The following NIP7 variants were observed in gnomAD, a reference collection of about 807,000 sequenced individuals.
NIP7 encodes the protein 60S ribosome subunit biogenesis protein NIP7 homolog.
Under a neutral mutation model 20.1 loss-of-function variants are expected in NIP7, and 12 were observed. The observed-to-expected ratio is 0.60, with a 90% CI of 0.38 to 0.97. NIP7 has a LOEUF of 0.97. NIP7 is among the 50% of genes least tolerant of loss of function. NIP7 has a pLI of 0.00. For synonymous variants in NIP7, 103 were observed against 87.2 expected (o/e 1.18, Z -1.01); for missense variants, 226 against 226.6 (o/e 1.00, Z 0.02).
At position 69,340,338 on chromosome 16, in the gene NIP7, T is replaced by TG; in HGVS notation, c.282+10dup. 4 of 1,608,792 alleles carry TG rather than the reference T, an allele frequency of 2.5e-6. No homozygotes were observed. Among genetic ancestry groups the TG allele is most frequent in the East Asian group, 2.2e-5 (1 of 44,874 alleles). On this transcript the variant is annotated splice_region_variant and intron_variant, in intron 3 of 4. Coordinates refer to ENST00000254940, the MANE Select transcript of NIP7 (RefSeq NM_016101.5). ...ACCTTGCACCTTATGCCAAGGTTTG[T>TG]GGGGCGGTTTCCAATTCTGCCACGG...
chr16:69,340,603 G>T, intron 3 of NIP7: 1 of 471,610 alleles, frequency 2.1e-6, no homozygotes, highest in Non-Finnish European at 3.8e-6. Context: ...CAGCAATGAA[G>T]ACACCGGGGT....
At chr16:69,340,366 G>A in intron 3 of NIP7, 34 bp downstream of exon 3, 1 of 1,602,186 alleles carries the variant, frequency 6.2e-7, no homozygotes, top group Non-Finnish European at 8.5e-7. Context: ...TGCCACGGGC[G>A]ATGAAGTCAA....
In NIP7 at chr16:69,341,693, C is replaced by G. The variant is rs200117312; in HGVS notation, c.*41C>G. The G allele has an allele frequency of 1.2e-6, 2 of 1,609,638 alleles. No homozygotes were observed. The highest frequency in any genetic ancestry group is 1.7e-5 in the Admixed American group (1 of 59,656). ...AGGACAGACGGCTGTATGGAAAGGCCGAGCTTTGTTTCCTGTGTTTGTGTG... is the reference window on the plus strand; with the variant it reads ...AGGACAGACGGCTGTATGGAAAGGCGGAGCTTTGTTTCCTGTGTTTGTGTG... On this transcript the variant is annotated 3_prime_UTR_variant, in exon 5 of 5. Transcript: ENST00000254940.
chr16:69,339,806 C>A lies in NIP7; in HGVS notation c.-24C>A, dbSNP rs773105406. 6.2e-7 allele frequency: 1 copy of A among 1,611,944 alleles called. No individual in the cohort carries two copies. Among genetic ancestry groups the A allele is most frequent in the South Asian group, 1.1e-5 (1 of 90,968 alleles). On this transcript the variant is annotated 5_prime_UTR_variant, in exon 1 of 5. Coordinates refer to ENST00000254940, the MANE Select transcript of NIP7 (RefSeq NM_016101.5). ...TTCCAGTTACCAAGGCACGAGGATC[C>A]GGTGTTCCAACCCAGGGGGAAAAAT... is the stretch of plus-strand genomic sequence containing the variant.
chr16:69,340,075 C>G lies in NIP7; in HGVS notation c.126C>G (p.Asp42Glu). Residue 42 changes from aspartate (D) to glutamate (E), a missense_variant, in exon 2 of 5, where the codon GAC becomes GAG. By Grantham distance (45) the Asp-to-Glu change is conservative. Transcript: ENST00000254940. ...CCTACTGTTTCCGTCTGCACAACGA[C>G]CGGGTGTACTATGTGAGGTGAGGCG... ...DGTYCFRLHN[D>E]RVYYVSEKIM... 6.2e-7 allele frequency: 1 copy of G among 1,614,126 alleles called. No homozygotes were observed. The highest frequency in any genetic ancestry group is 2.2e-5 in the East Asian group (1 of 44,880).
In NIP7 at chr16:69,343,090, C is replaced by T. The variant is rs558439706; in HGVS notation, c.*1438C>T. The T allele has an allele frequency of 4.5e-6, 1 of 221,806 alleles. No homozygotes were observed. The highest frequency in any genetic ancestry group is 8.8e-6 in the Non-Finnish European group (1 of 113,804). 13.7% of individuals were successfully genotyped at this position (221,806 alleles called of 1,614,324 possible). A position where few individuals can be genotyped will look rare whatever the true frequency, so the allele number is the denominator to read the frequency against. On this transcript the variant is annotated 3_prime_UTR_variant, in exon 5 of 5. Transcript: ENST00000254940. ...CTTTAAGAATAAAACATTACCAACT[C>T]CTGCTTTTATATGTAAGCAAACTTG...
Position 69,342,166 on chromosome 16 carries a change from A to C in NIP7, c.*514A>C, listed in dbSNP as rs2012575992. On this transcript the variant is annotated 3_prime_UTR_variant, in exon 5 of 5. Coordinates refer to ENST00000254940, the MANE Select transcript of NIP7 (RefSeq NM_016101.5). Reference sequence around the variant, plus strand: ...GGTTCAAACCCCACTTCTGCCACCTACCAGCTATATGGCCTTGAATGAGTC... The same window carrying C: ...GGTTCAAACCCCACTTCTGCCACCTCCCAGCTATATGGCCTTGAATGAGTC... 6.6e-6 allele frequency: 1 copy of C among 152,448 alleles called. No individual in the cohort carries two copies. Among genetic ancestry groups the C allele is most frequent in the Admixed American group, 6.5e-5 (1 of 15,278 alleles). 9.4% of individuals were successfully genotyped at this position (152,448 alleles called of 1,614,324 possible).
Position 69,341,560 on chromosome 16 carries a change from C to G in NIP7, c.451C>G (p.Gln151Glu). 6.2e-7 allele frequency: 1 copy of G among 1,614,132 alleles called. No individual in the cohort carries two copies. The highest frequency in any genetic ancestry group is 8.5e-7 in the Non-Finnish European group (1 of 1,180,020). ...LGFGVAAKSTQDCRKVDPMAI... is the reference protein window; with the variant it reads ...LGFGVAAKSTEDCRKVDPMAI... Reference sequence around the variant, plus strand: ...TTTTGGGGTGGCAGCCAAATCTACACAAGACTGCAGAAAAGTAGACCCCAT... The same window carrying G: ...TTTTGGGGTGGCAGCCAAATCTACAGAAGACTGCAGAAAAGTAGACCCCAT... The change falls in exon 5 of 5, where the codon CAA becomes GAA. Residue 151 changes from glutamine (Q) to glutamate (E), a missense_variant. Transcript: ENST00000254940.
In NIP7 at chr16:69,341,672, C is replaced by G. The variant is rs2012559979; in HGVS notation, c.*20C>G. 1 of 1,613,424 alleles carries G rather than the reference C, an allele frequency of 6.2e-7. No individual in the cohort carries two copies. The highest frequency in any genetic ancestry group is 1.1e-5 in the South Asian group (1 of 90,958). On this transcript the variant is annotated 3_prime_UTR_variant, in exon 5 of 5. Coordinates refer to ENST00000254940, the MANE Select transcript of NIP7 (RefSeq NM_016101.5). ...ACTTAAAACGAAGCCATTCCAAGGACAGACGGCTGTATGGAAAGGCCGAGC... is the reference window on the plus strand; with the variant it reads ...ACTTAAAACGAAGCCATTCCAAGGAGAGACGGCTGTATGGAAAGGCCGAGC...
In NIP7 at chr16:69,339,857, C is replaced by T. The variant is rs145696197; in HGVS notation, c.28C>T (p.Arg10Cys). Residue 10 changes from arginine (R) to cysteine (C), a missense_variant, in exon 1 of 5, where the codon CGT (arginine) becomes TGT (cysteine). By Grantham distance (180) the Arg-to-Cys change is radical. Transcript: ENST00000254940. The stretch of plus-strand genomic sequence containing the variant: ...GCGGCCTTTGACTGAAGAGGAGACC[C>T]GTGTCATGTTTGAGAAGATAGCGAA... MRPLTEEET[R>C]VMFEKIAKYI... 13 of 1,613,622 alleles carry T rather than the reference C, an allele frequency of 8.1e-6. No homozygotes were observed. The highest frequency in any genetic ancestry group is 1.3e-5 in the African/African-American group (1 of 74,886).
chr16:69,341,105 A>G, intron 3 of NIP7, 75 bp from the exon 4 acceptor site: 3 of 1,249,800 alleles, frequency 2.4e-6, no homozygotes, highest in Non-Finnish European at 3.4e-6. Context: ...TTATTCACAG[A>G]TCCAGCAGCT....
In NIP7 at chr16:69,340,084, C is replaced by T. The variant is rs772405598; in HGVS notation, c.135C>T (p.Tyr45=). 1.9e-6 allele frequency: 3 copies of T among 1,614,020 alleles called. No individual in the cohort carries two copies. The highest frequency in any genetic ancestry group is 2.2e-5 in the East Asian group (1 of 44,874). ...TCCGTCTGCACAACGACCGGGTGTA[C>T]TATGTGAGGTGAGGCGGGGCCGGGC... ...YCFRLHNDRV[Y]YVSEKIMKLA... is the part of the protein sequence containing the mutation. Residue 45 remains tyrosine (Y), a synonymous_variant, in exon 2 of 5, where the codon TAC becomes TAT. Transcript: ENST00000254940.
In NIP7 at chr16:69,342,568, T is replaced by G. The variant is rs1471687312; in HGVS notation, c.*916T>G. 1 of 152,216 alleles carries G rather than the reference T, an allele frequency of 6.6e-6. No homozygotes were observed. The highest frequency in any genetic ancestry group is 1.5e-5 in the Non-Finnish European group (1 of 68,084). 9.4% of individuals were successfully genotyped at this position (152,216 alleles called of 1,614,324 possible). On this transcript the variant is annotated 3_prime_UTR_variant, in exon 5 of 5. Coordinates refer to ENST00000254940, the MANE Select transcript of NIP7 (RefSeq NM_016101.5). ...AAGATGGTGCCATTGCACTCCAGCC[T>G]GGGCGTGACAGAGTGAGACTCCATC...
At position 69,341,676 on chromosome 16, in the gene NIP7, C is replaced by CAG. The variant is rs1313164968; in HGVS notation, c.*24_*25insAG. Reference sequence around the variant, plus strand: ...AAAACGAAGCCATTCCAAGGACAGACGGCTGTATGGAAAGGCCGAGCTTTG... The same window carrying CAG: ...AAAACGAAGCCATTCCAAGGACAGACAGGGCTGTATGGAAAGGCCGAGCTTTG... On this transcript the variant is annotated 3_prime_UTR_variant, in exon 5 of 5. Transcript: ENST00000254940. 6.2e-7 allele frequency: 1 copy of CAG among 1,612,728 alleles called. No individual in the cohort carries two copies. The highest frequency in any genetic ancestry group is 2.2e-5 in the East Asian group (1 of 44,876).
rs750964906 is a variant in NIP7, at chr16:69,342,988, TAA to T, written c.*1338_*1339del. The T allele has an allele frequency of 6.7e-4, 103 of 154,686 alleles. 2 individuals carry two copies. The highest frequency in any genetic ancestry group is 6.0e-3 in the Admixed American group (94 of 15,558). 9.6% of individuals were successfully genotyped at this position (154,686 alleles called of 1,614,324 possible). A position where few individuals can be genotyped will look rare whatever the true frequency, so the allele number is the denominator to read the frequency against. ...TTAAATATTTTATAGACAAAAAATT[TAA>T]AGACTATCTGTATTGCAAAATTAAA... On this transcript the variant is annotated 3_prime_UTR_variant, in exon 5 of 5. Transcript: ENST00000254940.
Position 69,341,676 on chromosome 16 carries a change from C to CGGCT in NIP7, c.*26_*29dup. On this transcript the variant is annotated 3_prime_UTR_variant, in exon 5 of 5. Coordinates refer to ENST00000254940, the MANE Select transcript of NIP7 (RefSeq NM_016101.5). ...AAAACGAAGCCATTCCAAGGACAGA[C>CGGCT]GGCTGTATGGAAAGGCCGAGCTTTG... 2 of 1,612,728 alleles carry CGGCT rather than the reference C, an allele frequency of 1.2e-6. No homozygotes were observed. Among genetic ancestry groups the CGGCT allele is most frequent in the Non-Finnish European group, 1.7e-6 (2 of 1,179,126 alleles).
rs1239559037 is a variant in NIP7 at position 69,342,098 on chromosome 16, A to G, written c.*446A>G. 2 of 154,920 alleles carry G rather than the reference A, an allele frequency of 1.3e-5. No individual in the cohort carries two copies. Among genetic ancestry groups the G allele is most frequent in the East Asian group, 3.8e-4 (2 of 5,256 alleles). 9.6% of individuals were successfully genotyped at this position (154,920 alleles called of 1,614,324 possible). On this transcript the variant is annotated 3_prime_UTR_variant, in exon 5 of 5. Coordinates refer to ENST00000254940, the MANE Select transcript of NIP7 (RefSeq NM_016101.5). ...TTTGGCTAATAGGAGCAATTCAGCT[A>G]TTTTTCTATACAGTAATTGGTGTGT...
At position 69,342,738 on chromosome 16, in the gene NIP7, C is replaced by T. The variant is rs560751791; in HGVS notation, c.*1086C>T. 6.6e-6 allele frequency: 1 copy of T among 152,118 alleles called. No individual in the cohort carries two copies. Among genetic ancestry groups the T allele is most frequent in the South Asian group, 2.1e-4 (1 of 4,820 alleles). The allele number at this position is 152,118 out of a possible 1,614,324, so 9.4% of individuals were successfully genotyped here. The stretch of plus-strand genomic sequence containing the variant: ...GAGTATAATTTGATTTTATTACCTT[C>T]TTTTTTACAAGCTGTTTTCTCAGTA... On this transcript the variant is annotated 3_prime_UTR_variant, in exon 5 of 5. Transcript: ENST00000254940.
intron 3 of NIP7, chr16:69,340,585 A>AT: frequency 4.0e-6 from 2 of 499,870 alleles, no homozygotes; most frequent in East Asian, 6.3e-5. Flanking sequence ...CAGAAAGCAA[A>AT]TAAGTGGCAG....
Sources: allele counts gnomAD v4.1 joint callset, GRCh38; gene constraint gnomAD v4.1.1; transcripts MANE v1.5; gene names NCBI Gene and HGNC (gene_info 2026-07-23, HGNC 2026-07-21).